EPHB6: variants seen among roughly 807,000 people sequenced by gnomAD.
The protein encoded by EPHB6 is EPH receptor B6, also known as ephrin type-B receptor 6.
Under a neutral mutation model 107.0 loss-of-function variants are expected in EPHB6, and 51 were observed. The observed-to-expected ratio is 0.48, with a 90% CI of 0.38 to 0.60. The LOEUF is 0.60. Ranked by LOEUF, EPHB6 falls within the 20% of genes least tolerant of loss-of-function variation. EPHB6 has a pLI of 0.00. For missense variants in EPHB6, 1,141 were observed against 1,355.5 expected (o/e 0.84, Z 2.48); for synonymous variants, 553 against 549.0 (o/e 1.01, Z -0.10).
rs1794873789 is a variant in EPHB6 at position 142,870,643 on chromosome 7, T to G, written c.2918T>G (p.Phe973Cys). 2 of 1,614,236 alleles carry G rather than the reference T, an allele frequency of 1.2e-6. No individual in the cohort carries two copies. Among genetic ancestry groups the G allele is most frequent in the Non-Finnish European group, 1.7e-6 (2 of 1,180,040 alleles). The change falls in exon 19 of 20, where the codon TTT becomes TGT. Residue 973 changes from phenylalanine to cysteine, a missense_variant. By Grantham distance (205) the Phe-to-Cys change is radical. Coordinates refer to ENST00000652003, the MANE Select transcript of EPHB6 (RefSeq NM_004445.6). Reference sequence around the variant, plus strand: ...TGCTACCAGGACAACTTCTCCAAGTTTGGCCTCTGTACCTTCAGTGATGTG... The same window carrying G: ...TGCTACCAGGACAACTTCTCCAAGTGTGGCCTCTGTACCTTCAGTGATGTG... ...LECYQDNFSK[F>C]GLCTFSDVAQ...
In EPHB6 at chr7:142,870,745, T is replaced by TG. The variant is rs762201921; in HGVS notation, c.2961-47dup. The TG allele has an allele frequency of 5.6e-6, 9 of 1,614,062 alleles. No individual in the cohort carries two copies. The Admixed American group carries it at 1.5e-4, about 27-fold the overall frequency. On this transcript the variant is annotated intron_variant, in intron 19 of 19. Coordinates refer to ENST00000652003, the MANE Select transcript of EPHB6 (RefSeq NM_004445.6). The stretch of plus-strand genomic sequence containing the variant: ...CCAGGCCCCTGGCTGGGGGTCGTAT[T>TG]GGGGATCTCGGAGAAGCTGGCCCAG...
chr7:142,869,859 G>T lies in EPHB6; in HGVS notation c.2503G>T (p.Ala835Ser). 1 of 1,614,212 alleles carries T rather than the reference G, an allele frequency of 6.2e-7. No homozygotes were observed. Among genetic ancestry groups the T allele is most frequent in the Non-Finnish European group, 8.5e-7 (1 of 1,180,040 alleles). ...TCGCTGGGCAGCCCCAGAGGTCATT[G>T]CACATGGAAAGCATACAACATCCAG... The part of the protein sequence containing the change: ...LLRWAAPEVI[A>S]HGKHTTSSDV... The change falls in exon 17 of 20, where the codon GCA becomes TCA. Residue 835 changes from alanine (A) to serine (S), a missense_variant. By Grantham distance (99) the Ala-to-Ser change is moderately conservative (BLOSUM62 1). Coordinates refer to ENST00000652003, the MANE Select transcript of EPHB6 (RefSeq NM_004445.6). This position sits in a 1 kb window ranked among gnomAD's most constrained non-coding sequence, Gnocchi z 4.5.
Position 142,865,093 on chromosome 7 carries a change from G to A in EPHB6, c.949+344G>A, listed in dbSNP as rs8177145. On this transcript the variant is annotated intron_variant, in intron 7 of 19. Transcript: ENST00000652003. ...TTCCCATTCGCCCTTCTGTTGGGAGGGTCCCTGCCTCGCTGGGCCAGGTGA... is the reference window on the plus strand; with the variant it reads ...TTCCCATTCGCCCTTCTGTTGGGAGAGTCCCTGCCTCGCTGGGCCAGGTGA... 9.4e-3 allele frequency among the ~76,000 whole-genome samples: 1,425 copies of A among 152,254 alleles called. 25 individuals are homozygous for A. The highest frequency in any genetic ancestry group is 0.032 in the African/African-American group (1,334 of 41,524).
Position 142,866,952 on chromosome 7 carries a change from C to CT in EPHB6, c.1635dup (p.Ala546CysfsTer129). 1 of 1,614,186 alleles carries CT rather than the reference C, an allele frequency of 6.2e-7. No individual in the cohort carries two copies. Among genetic ancestry groups the CT allele is most frequent in the Non-Finnish European group, 8.5e-7 (1 of 1,180,030 alleles). On this transcript the variant is annotated frameshift_variant, in exon 11 of 20. Coordinates refer to ENST00000652003, the MANE Select transcript of EPHB6 (RefSeq NM_004445.6). LOFTEE classifies it high-confidence loss of function. This position sits in a 1 kb window ranked among gnomAD's most constrained non-coding sequence, Gnocchi z 5.2. ...TTCACCCTGACCAGCGAGACCAACA[C>CT]TGCCACCGTGACACAGCTGAGCCCT... is the stretch of plus-strand genomic sequence containing the variant.
chr7:142,856,075 G>A (rs984416939), intron 1 of EPHB6, among the ~76,000 whole-genome samples: 1 of 152,222 alleles, frequency 6.6e-6, no homozygotes, highest in African/African-American at 2.4e-5. Flanking sequence ...AGCTGGCATG[G>A]ACCCAGCATA....
At chr7:142,858,515 A>C (rs1374006098) in intron 1 of EPHB6, among the ~76,000 whole-genome samples, 1 of 134,188 alleles carries the variant, frequency 7.5e-6, no homozygotes, top group Non-Finnish European at 1.5e-5. Context: ...GGCTCACTGC[A>C]AGCTCTGCCT....
At chr7:142,863,787 AG>A (rs1802971182) in intron 6 of EPHB6, 92 bp downstream of exon 6, 1 of 1,515,870 alleles carries the variant, frequency 6.6e-7, no homozygotes, top group Non-Finnish European at 9.2e-7. Flanking sequence ...ACCCTGGGTG[AG>A]GATTATGGGA....
chr7:142,863,181 G>T lies in EPHB6; in HGVS notation c.-47G>T. ...TTGCAAAAGCTGCAGCCCCACCCAG[G>T]AGCAGGGTGGTGGCTGGGGCGATGG... On this transcript the variant is annotated 5_prime_UTR_variant, in exon 5 of 20. It introduces an in-frame stop codon into an upstream open reading frame of the 5' UTR. Transcript: ENST00000652003. 1 of 1,541,976 alleles carries T rather than the reference G, an allele frequency of 6.5e-7. No individual in the cohort carries two copies. The highest frequency in any genetic ancestry group is 9.0e-7 in the Non-Finnish European group (1 of 1,116,030).
In EPHB6 at chr7:142,867,449, C is replaced by CGTGT. The variant is rs1794661679; in HGVS notation, c.1751-150_1751-147dup. The CGTGT allele has an allele frequency of 1.5e-5, 10 of 687,556 alleles. No homozygotes were observed. In the East Asian group the frequency reaches 2.7e-4, roughly 19 times the overall value. The allele number at this position is 687,556 out of a possible 1,614,324, so 42.6% of individuals were successfully genotyped here. A position where few individuals can be genotyped will look rare whatever the true frequency, so the allele number is the denominator to read the frequency against. ...TGTGTGGATGTGGGAGGGCTGTGGG[C>CGTGT]GTGTGTGTGTGTTGTGTGTCCCTGT... On this transcript the variant is annotated intron_variant, in intron 11 of 19. Transcript: ENST00000652003. This position sits in a 1 kb window ranked among gnomAD's most constrained non-coding sequence, Gnocchi z 5.3.
chr7:142,858,540 A>G (rs554457470), intron 1 of EPHB6, among the ~76,000 whole-genome samples: 1 of 131,588 alleles, frequency 7.6e-6, no homozygotes, highest in East Asian at 2.3e-4. Context: ...GGTTCACGCC[A>G]TTCTCCTGCC....
In EPHB6 at chr7:142,864,209, G is replaced by A. The variant is rs570204028; in HGVS notation, c.409G>A (p.Glu137Lys). ...TFTLYYRQAEEPDSPDSVSSW... is the reference protein window; with the variant it reads ...TFTLYYRQAEKPDSPDSVSSW... ...CACCCTTTACTACCGTCAGGCTGAG[G>A]AGCCCGACAGCCCTGACAGCGTTTC... is the stretch of plus-strand genomic sequence containing the variant. Residue 137 changes from glutamate to lysine, a missense_variant, in exon 7 of 20, where the codon GAG (glutamate) becomes AAG (lysine). Glu to Lys is a moderately conservative substitution (Grantham distance 56, BLOSUM62 1). This residue lies in a region of EPHB6 where 221 missense variants were observed against 300.5 expected (regional missense o/e 0.74). Transcript: ENST00000652003. The A allele has an allele frequency of 6.2e-7, 1 of 1,613,854 alleles. No individual in the cohort carries two copies. The highest frequency in any genetic ancestry group is 8.5e-7 in the Non-Finnish European group (1 of 1,180,038).
In EPHB6 at chr7:142,868,763, G is replaced by A; in HGVS notation, c.2286+24G>A. ...GGGTCAGTCCAGCCTGGGTGAAGGA[G>A]GAGGGTCCTTGGGTCCAGGAAAGCT... On this transcript the variant is annotated intron_variant, in intron 15 of 19. Transcript: ENST00000652003. The surrounding 1 kb of genome is among the most constrained non-coding windows in gnomAD (Gnocchi z 4.2). 1 of 1,613,744 alleles carries A rather than the reference G, an allele frequency of 6.2e-7. No individual in the cohort carries two copies. The highest frequency in any genetic ancestry group is 8.5e-7 in the Non-Finnish European group (1 of 1,180,012).
rs1262632544 is a variant in EPHB6 at position 142,855,779 on chromosome 7, G to C, written c.-432+394G>C. On this transcript the variant is annotated intron_variant, in intron 1 of 19. Coordinates refer to ENST00000652003, the MANE Select transcript of EPHB6 (RefSeq NM_004445.6). The surrounding 1 kb of genome is among the most constrained non-coding windows in gnomAD (Gnocchi z 4.2). ...CAGTGGCATCACTCCAATCCCCTTG[G>C]AGCTGGGAGGAGTCAGGAGGCTGAC... 6.6e-6 allele frequency among the ~76,000 whole-genome samples: 1 copy of C among 152,144 alleles called. No homozygotes were observed.
At chr7:142,856,549 T>G (rs932203439) in intron 1 of EPHB6, among the ~76,000 whole-genome samples, 2 of 152,158 alleles carry the variant, frequency 1.3e-5, no homozygotes, top group Non-Finnish European at 2.9e-5. Context: ...CTGGGACGGC[T>G]GTTCTGCTAT....
rs768492124 is a variant in EPHB6, at chr7:142,866,547, C to T, written c.1529C>T (p.Pro510Leu). Residue 510 changes from proline to leucine, a missense_variant, in exon 10 of 20, where the codon CCG becomes CTG. By Grantham distance (98) the Pro-to-Leu change is moderately conservative (BLOSUM62 -3). Transcript: ENST00000652003. This position sits in a 1 kb window ranked among gnomAD's most constrained non-coding sequence, Gnocchi z 5.2. ...TCCAACAGCATCACGGTGTCCTGGC[C>T]GCAGCCCGACCAGACCAATGGGAAC... is the stretch of plus-strand genomic sequence containing the variant. ...RASNSITVSW[P>L]QPDQTNGNIL... The T allele has an allele frequency of 6.2e-7, 1 of 1,614,172 alleles. No homozygotes were observed. Among genetic ancestry groups the T allele is most frequent in the Non-Finnish European group, 8.5e-7 (1 of 1,180,032 alleles).
rs531547961 is a variant in EPHB6, at chr7:142,866,305, C to A, written c.1451C>A (p.Thr484Asn). 437 of 1,613,998 alleles carry A rather than the reference C, an allele frequency of 2.7e-4. 8 individuals carry two copies. The South Asian group carries it at 4.7e-3, about 17-fold the overall frequency. ...CAGGCTGCAGCCATCAATGTCAGCA[C>A]CAGCCATGAAGGTGAGCTCTTTTCC... is the stretch of plus-strand genomic sequence containing the variant. ...PPQAAAINVS[T>N]SHEVPSAVPV... Residue 484 changes from threonine to asparagine, a missense_variant, in exon 9 of 20, where the codon ACC (threonine) becomes AAC (asparagine). Around this residue, in one of 3 missense-constraint regions of EPHB6, gnomAD observed 616 missense variants for 759.3 expected, o/e 0.81. Coordinates refer to ENST00000652003, the MANE Select transcript of EPHB6 (RefSeq NM_004445.6). The surrounding 1 kb of genome is among the most constrained non-coding windows in gnomAD (Gnocchi z 5.2).
Position 142,863,715 on chromosome 7 carries a change from T to G in EPHB6, c.165+20T>G, listed in dbSNP as rs73170648. ...GGGGGGGTGAGTGCCACTCTAATTC[T>G]GAACCTGAATCCCTTGGCCCTGCCC... On this transcript the variant is annotated intron_variant, in intron 6 of 19. Coordinates refer to ENST00000652003, the MANE Select transcript of EPHB6 (RefSeq NM_004445.6). 4.5e-5 allele frequency: 72 copies of G among 1,612,464 alleles called. No individual in the cohort carries two copies. Among genetic ancestry groups the G allele is most frequent in the Middle Eastern group, 3.3e-4 (2 of 6,058 alleles).
At position 142,866,395 on chromosome 7, in the gene EPHB6, T is replaced by C; in HGVS notation, c.1462+79T>C. The C allele has an allele frequency of 6.2e-7, 1 of 1,611,846 alleles. No homozygotes were observed. Among genetic ancestry groups the C allele is most frequent in the Non-Finnish European group, 8.5e-7 (1 of 1,179,284 alleles). On this transcript the variant is annotated intron_variant, in intron 9 of 19. Coordinates refer to ENST00000652003, the MANE Select transcript of EPHB6 (RefSeq NM_004445.6). This position sits in a 1 kb window ranked among gnomAD's most constrained non-coding sequence, Gnocchi z 5.2. Reference sequence around the variant, plus strand: ...CCTTCCCTACTCCTGATCTCCAGCCTGGTCCACCCCTGCCGCCCTCCCCTC... The same window carrying C: ...CCTTCCCTACTCCTGATCTCCAGCCCGGTCCACCCCTGCCGCCCTCCCCTC...
intron 1 of EPHB6, among the ~76,000 whole-genome samples, chr7:142,860,168 T>C (rs1802780905): frequency 6.6e-6 from 1 of 152,258 alleles, no homozygotes; most frequent in South Asian, 2.1e-4. Flanking sequence ...TTCTTCATGA[T>C]TATTTGCCTA....
Sources: allele counts gnomAD v4.1 joint callset (sites outside exome capture counted in the v4.1 genomes callset), GRCh38; gene constraint gnomAD v4.1.1; regional missense constraint gnomAD v4.1.1; non-coding constraint Gnocchi (gnomAD v3.1); transcripts MANE v1.5; gene names NCBI Gene and HGNC (gene_info 2026-07-23, HGNC 2026-07-21).